ZFHX4: variants seen among roughly 807,000 people sequenced by gnomAD.
ZFHX4 encodes zinc finger homeobox 4.
Under a neutral mutation model 267.6 loss-of-function variants are expected in ZFHX4, and 56 were observed. The ratio of observed to expected loss-of-function variants is 0.21; its 90% CI spans 0.17 to 0.26. ZFHX4 has a LOEUF of 0.26. ZFHX4 is among the 10% of genes least tolerant of loss of function. The probability of loss-of-function intolerance (pLI) is 1.00; values close to 1 mark genes in which losing one functional copy is unlikely to be tolerated. For missense variants in ZFHX4, 4,332 were observed against 4,420.0 expected (o/e 0.98, Z 0.56); for synonymous variants, 1,778 against 1,665.6 (o/e 1.07, Z -1.64).
intron 4 of ZFHX4, among the ~76,000 whole-genome samples, chr8:76,814,730 C>T (rs903581258): frequency 6.6e-6 from 1 of 152,192 alleles, no homozygotes; most frequent in African/African-American, 2.4e-5. Flanking sequence ...ACTGGTGCCT[C>T]TCTAGCATCC....
At position 76,864,025 on chromosome 8, in the gene ZFHX4, GA is replaced by G; in HGVS notation, c.10312del (p.Thr3438GlnfsTer43). On this transcript the variant is annotated frameshift_variant, in exon 11 of 11. Coordinates refer to ENST00000651372, the MANE Select transcript of ZFHX4 (RefSeq NM_024721.5). LOFTEE classifies it high-confidence loss of function. ...FGQPLIDPQE[T>X]VLRVPVSKYQ... is the part of the protein sequence containing the mutation. ...GTCAGCCTTTGATTGACCCACAAGA[GA>G]CAGTGCTTCGTGTCCCAGTCAGCAA... 6.2e-7 allele frequency: 1 copy of G among 1,613,862 alleles called. No homozygotes were observed. Among genetic ancestry groups the G allele is most frequent in the South Asian group, 1.1e-5 (1 of 91,080 alleles).
At chr8:76,799,332 A>G (rs959644087) in intron 4 of ZFHX4, among the ~76,000 whole-genome samples, 2 of 152,158 alleles carry the variant, frequency 1.3e-5, no homozygotes, top group African/African-American at 2.4e-5. Flanking sequence ...CTTTGCGTCT[A>G]TTTTGAAGGC....
intron 6 of ZFHX4, among the ~76,000 whole-genome samples, chr8:76,843,671 G>A (rs183280378): frequency 2.2e-4 from 33 of 152,152 alleles, no homozygotes; most frequent in Admixed American, 7.2e-4. Flanking sequence ...GTGCTGAAAC[G>A]GGTTCAAGCC....
At chr8:76,717,797 A>G (rs1007823794) in intron 3 of ZFHX4, among the ~76,000 whole-genome samples, 1 of 151,912 alleles carries the variant, frequency 6.6e-6, no homozygotes. Context: ...AGGTTTCGCT[A>G]TGTTGCCCAG....
chr8:76,850,448 A>C, intron 9 of ZFHX4, 86 bp downstream of exon 9: 7 of 1,126,404 alleles, frequency 6.2e-6, no homozygotes. Context: ...TTACTATCAA[A>C]AGATTTTCGT....
At chr8:76,858,249 A>G (rs556398352) in intron 10 of ZFHX4, among the ~76,000 whole-genome samples, 1 of 152,282 alleles carries the variant, frequency 6.6e-6, no homozygotes, top group Non-Finnish European at 1.5e-5. Context: ...ATAGACTAAT[A>G]TTTTCCTCAT....
intron 3 of ZFHX4, among the ~76,000 whole-genome samples, chr8:76,745,468 A>C (rs1809434809): frequency 6.6e-6 from 1 of 152,200 alleles, no homozygotes; most frequent in Admixed American, 6.5e-5. Context: ...GGCATTTTGT[A>C]GGGTAAGTCT....
intron 4 of ZFHX4, among the ~76,000 whole-genome samples, chr8:76,815,426 C>T (rs979055649): frequency 2.0e-5 from 3 of 152,126 alleles, no homozygotes; most frequent in African/African-American, 4.8e-5. Flanking sequence ...ACCCACTTTC[C>T]CATAAATGGT....
chr8:76,789,842 T>C (rs960017531), intron 4 of ZFHX4, among the ~76,000 whole-genome samples: 16 of 152,166 alleles, frequency 1.1e-4, no homozygotes, highest in African/African-American at 3.6e-4. Context: ...TGCATATGCA[T>C]TTAGAAAAAC....
Position 76,794,746 on chromosome 8 carries a change from A to G in ZFHX4, c.3325+16307A>G, listed in dbSNP as rs530815130. ...AAAAAAGAATTAAGTGTAGATTTGTAGTAGTTTTATTTAAAGGTAGCCGTT... is the reference window on the plus strand; with the variant it reads ...AAAAAAGAATTAAGTGTAGATTTGTGGTAGTTTTATTTAAAGGTAGCCGTT... On this transcript the variant is annotated intron_variant, in intron 4 of 10. Transcript: ENST00000651372. Among the ~76,000 whole-genome samples, 4 of 151,556 alleles carry G rather than the reference A, an allele frequency of 2.6e-5. No homozygotes were observed. The South Asian group carries it at 8.4e-4, about 32-fold the overall frequency.
intron 3 of ZFHX4, among the ~76,000 whole-genome samples, chr8:76,763,487 A>T (rs893582282): frequency 1.3e-5 from 2 of 151,932 alleles, no homozygotes; most frequent in Non-Finnish European, 2.9e-5. Context: ...GCTGGGCATG[A>T]TGGCATGGAC....
intron 3 of ZFHX4, among the ~76,000 whole-genome samples, chr8:76,753,530 C>G (rs1488077943): frequency 6.6e-6 from 1 of 151,966 alleles, no homozygotes; most frequent in Non-Finnish European, 1.5e-5. Context: ...TCTCTCTGCC[C>G]CTGTCTTCTT....
In ZFHX4 at chr8:76,702,826, G is replaced by A. The variant is rs551811038; in HGVS notation, c.-46-1217G>A. 5.9e-5 allele frequency among the ~76,000 whole-genome samples: 9 copies of A among 152,176 alleles called. No individual in the cohort carries two copies. The East Asian group carries it at 9.7e-4, about 16-fold the overall frequency. Reference sequence around the variant, plus strand: ...CAAGACAGTGCCTATGTTACAGGCCGAAAATAAACACAAGTTTCAGACCAC... The same window carrying A: ...CAAGACAGTGCCTATGTTACAGGCCAAAAATAAACACAAGTTTCAGACCAC... On this transcript the variant is annotated intron_variant, in intron 1 of 10. Coordinates refer to ENST00000651372, the MANE Select transcript of ZFHX4 (RefSeq NM_024721.5).
At chr8:76,833,282 G>A in intron 4 of ZFHX4, 56 bp from the exon 5 acceptor site, 1 of 1,491,166 alleles carries the variant, frequency 6.7e-7, no homozygotes, top group Non-Finnish European at 9.3e-7. Flanking sequence ...TATTAGCCAT[G>A]ATGAGAGAGC....
At chr8:76,807,286 C>T (rs985843597) in intron 4 of ZFHX4, among the ~76,000 whole-genome samples, 12 of 151,828 alleles carry the variant, frequency 7.9e-5, no homozygotes, top group Non-Finnish European at 1.2e-4. Flanking sequence ...CCACCAAAGA[C>T]GGTGCACAGA....
chr8:76,827,202 C>T (rs1811809120), intron 4 of ZFHX4, among the ~76,000 whole-genome samples: 1 of 152,216 alleles, frequency 6.6e-6, no homozygotes, highest in Admixed American at 6.5e-5. Context: ...CTCAGATCAT[C>T]AGGCATTAGA....
At chr8:76,808,460 C>A (rs919293945) in intron 4 of ZFHX4, among the ~76,000 whole-genome samples, 2 of 152,034 alleles carry the variant, frequency 1.3e-5, no homozygotes, top group Non-Finnish European at 2.9e-5. Context: ...TGGTACACTG[C>A]GAAGACCTAG....
chr8:76,728,393 C>T (rs1808911647), intron 3 of ZFHX4, among the ~76,000 whole-genome samples: 1 of 152,176 alleles, frequency 6.6e-6, no homozygotes, highest in Admixed American at 6.6e-5. Context: ...TTTCCAATAT[C>T]TTCCTTTTCC....
chr8:76,778,303 A>G lies in ZFHX4; in HGVS notation c.3189A>G (p.Val1063=), dbSNP rs754334065. 6.2e-7 allele frequency: 1 copy of G among 1,613,814 alleles called. No individual in the cohort carries two copies. The highest frequency in any genetic ancestry group is 8.5e-7 in the Non-Finnish European group (1 of 1,179,772). Residue 1063 remains valine (V), a synonymous_variant, in exon 4 of 11, where the codon GTA becomes GTG. Coordinates refer to ENST00000651372, the MANE Select transcript of ZFHX4 (RefSeq NM_024721.5). ...DYTTKVKLNL[V]QHVRSVKHQQ... ...CCACCAAGGTCAAGTTGAATCTGGTACAACATGTCCGTTCGGTGAAGCATC... is the reference window on the plus strand; with the variant it reads ...CCACCAAGGTCAAGTTGAATCTGGTGCAACATGTCCGTTCGGTGAAGCATC...
Sources: gnomAD v4.1 joint callset for allele counts (sites outside exome capture counted in the v4.1 genomes callset) on GRCh38, gnomAD v4.1.1 for gene constraint, MANE v1.5 for transcripts, NCBI Gene and HGNC (gene_info 2026-07-23, HGNC 2026-07-21) for gene names.